SMYD3: variants seen among roughly 807,000 people sequenced by gnomAD.
SMYD3 encodes the protein histone-lysine N-methyltransferase SMYD3.
Under a neutral mutation model 57.7 loss-of-function variants are expected in SMYD3, and 36 were observed. The observed-to-expected ratio is 0.62, with a 90% CI of 0.48 to 0.82. SMYD3 has a LOEUF of 0.82. Ranked by LOEUF, SMYD3 falls within the 40% of genes least tolerant of loss-of-function variation. The pLI, the probability that SMYD3 is intolerant of heterozygous loss-of-function variation, is 0.00. For missense variants in SMYD3, 515 were observed against 538.8 expected, an observed-to-expected ratio of 0.96 and a Z score of 0.44; for synonymous variants, 211 against 195.0, an observed-to-expected ratio of 1.08 and a Z score of -0.68.
intron 5 of SMYD3, among the ~76,000 whole-genome samples, chr1:246,247,487 T>TATATATATACATATATATATA (rs1558347068): frequency 5.0e-5 from 7 of 141,356 alleles, no homozygotes; most frequent in African/African-American, 1.7e-4. Flanking sequence ...ATATATATAT[T>TATATATATACATATATATATA]TTTTAACATG....
chr1:246,190,584 CAAAAAA>C (rs11302731), intron 5 of SMYD3, among the ~76,000 whole-genome samples: 2,435 of 63,082 alleles, frequency 0.039, 95 homozygotes, highest in East Asian at 0.33. Context: ...GACTCTGTCT[CAAAAAA>C]AAAAAAAAAA....
intron 8 of SMYD3, among the ~76,000 whole-genome samples, chr1:245,879,371 T>C (rs1285734514): frequency 2.6e-5 from 4 of 152,192 alleles, no homozygotes. Context: ...TAAATGCACA[T>C]GAGCTGTGCT....
chr1:246,199,603 A>T (rs1232349395), intron 5 of SMYD3, among the ~76,000 whole-genome samples: 1 of 152,216 alleles, frequency 6.6e-6, no homozygotes, highest in Admixed American at 6.5e-5. Context: ...CTTCAGGACA[A>T]CGTTTGACAC....
intron 7 of SMYD3, among the ~76,000 whole-genome samples, chr1:245,920,332 AAAAAAAG>A (rs2055826448): frequency 6.6e-6 from 1 of 151,770 alleles, no homozygotes; most frequent in Non-Finnish European, 1.5e-5. Context: ...AAAAAAAAAA[AAAAAAAG>A]ATGACCAAGT....
At chr1:246,301,127 G>A (rs2064886389) in intron 5 of SMYD3, among the ~76,000 whole-genome samples, 1 of 151,838 alleles carries the variant, frequency 6.6e-6, no homozygotes, top group South Asian at 2.1e-4. Context: ...CTAATGAAGA[G>A]CAAAACCCAA....
At chr1:246,269,246 G>T (rs763425728) in intron 5 of SMYD3, among the ~76,000 whole-genome samples, 27 of 152,026 alleles carry the variant, frequency 1.8e-4, no homozygotes, top group African/African-American at 5.3e-4. Context: ...TTAGTAGATC[G>T]ACTAACAACA....
At chr1:246,468,293 T>C (rs2067909136) in intron 1 of SMYD3, among the ~76,000 whole-genome samples, 1 of 151,972 alleles carries the variant, frequency 6.6e-6, no homozygotes, top group South Asian at 2.1e-4. Flanking sequence ...AAATATATGA[T>C]CATTTCTATA....
chr1:246,225,321 C>CAAAAAAAAAAAAAAAAA lies in SMYD3; in HGVS notation c.531+101863_531+101879dup, dbSNP rs60915002. ...GTTATGTGGAAGACTGCTGAAAAGT[C>CAAAAAAAAAAAAAAAAA]AAAAAAAAAAAAAAAAAAAAAAAAA... is the stretch of plus-strand genomic sequence containing the variant. On this transcript the variant is annotated intron_variant, in intron 5 of 11. Coordinates refer to ENST00000490107, the MANE Select transcript of SMYD3 (RefSeq NM_001167740.2). Among the ~76,000 whole-genome samples, 61 of 76,284 alleles carry CAAAAAAAAAAAAAAAAA rather than the reference C, an allele frequency of 8.0e-4. 13 individuals are homozygous for CAAAAAAAAAAAAAAAAA. The highest frequency in any genetic ancestry group is 1.2e-3 in the South Asian group (4 of 3,246). 50.0% of individuals were successfully genotyped at this position (76,284 alleles called of 152,430 possible).
Position 246,354,664 on chromosome 1 carries a change from A to C in SMYD3, c.228+367T>G, listed in dbSNP as rs1387317254. Among the ~76,000 whole-genome samples, 19 of 150,790 alleles carry C rather than the reference A, an allele frequency of 1.3e-4. No individual in the cohort carries two copies. The East Asian group carries it at 3.3e-3, about 26-fold the overall frequency. ...TTAAACTATATCTTTTTTTTTTTAAACATAGGATGTAGATACACAAATATG... is the reference window on the plus strand; with the variant it reads ...TTAAACTATATCTTTTTTTTTTTAACCATAGGATGTAGATACACAAATATG... On this transcript the variant is annotated intron_variant, in intron 2 of 11. Coordinates refer to ENST00000490107, the MANE Select transcript of SMYD3 (RefSeq NM_001167740.2).
At chr1:245,977,186 T>G (rs191934871) in intron 5 of SMYD3, among the ~76,000 whole-genome samples, 2 of 152,334 alleles carry the variant, frequency 1.3e-5, no homozygotes, top group African/African-American at 4.8e-5. Context: ...CATGAAGGAT[T>G]CAGTCACACC....
intron 10 of SMYD3, chr1:245,814,249 G>T: frequency 2.2e-6 from 1 of 461,108 alleles, no homozygotes; most frequent in Non-Finnish European, 2.8e-6. Context: ...CTCCTGTTTT[G>T]AAGGTAAACA....
chr1:246,203,704 C>T lies in SMYD3; in HGVS notation c.531+123497G>A, dbSNP rs144652128. Among the ~76,000 whole-genome samples the T allele has an allele frequency of 5.3e-5, 8 of 152,288 alleles. No individual in the cohort carries two copies. In the East Asian group the frequency reaches 9.6e-4, roughly 18 times the overall value. On this transcript the variant is annotated intron_variant, in intron 5 of 11. Coordinates refer to ENST00000490107, the MANE Select transcript of SMYD3 (RefSeq NM_001167740.2). The surrounding 1 kb of genome is among the most constrained non-coding windows in gnomAD (Gnocchi z 4.6). Reference sequence around the variant, plus strand: ...CAAATATGGTCACATTCTGAAGTACCGGTGGTTAGAACATCAACATATGAA... The same window carrying T: ...CAAATATGGTCACATTCTGAAGTACTGGTGGTTAGAACATCAACATATGAA...
intron 5 of SMYD3, among the ~76,000 whole-genome samples, chr1:246,146,536 T>C (rs576293717): frequency 3.9e-5 from 6 of 152,294 alleles, no homozygotes; most frequent in African/African-American, 1.4e-4. Context: ...CACAATTGGC[T>C]TTCTCAGAAT....
At chr1:246,277,721 C>T (rs980106273) in intron 5 of SMYD3, among the ~76,000 whole-genome samples, 2 of 152,150 alleles carry the variant, frequency 1.3e-5, no homozygotes, top group Admixed American at 6.5e-5. Flanking sequence ...CTGACACAAA[C>T]GACATGGATG....
At chr1:245,762,320 G>C (rs2045881658) in intron 11 of SMYD3, among the ~76,000 whole-genome samples, 1 of 152,182 alleles carries the variant, frequency 6.6e-6, no homozygotes, top group South Asian at 2.1e-4. Flanking sequence ...AGTATTCATA[G>C]TTTCTAGTCC....
intron 5 of SMYD3, among the ~76,000 whole-genome samples, chr1:245,985,744 T>A (rs1050490830): frequency 1.3e-5 from 2 of 152,222 alleles, no homozygotes; most frequent in African/African-American, 2.4e-5. Context: ...GAATGTGGCA[T>A]GCTCTCTTAC....
chr1:246,241,141 G>A (rs1314899285), intron 5 of SMYD3, among the ~76,000 whole-genome samples: 1 of 152,098 alleles, frequency 6.6e-6, no homozygotes, highest in Non-Finnish European at 1.5e-5. Context: ...GAACAGGAGT[G>A]GTGAGAGAGG....
At chr1:246,002,070 C>T (rs1357926384) in intron 5 of SMYD3, among the ~76,000 whole-genome samples, 1 of 152,118 alleles carries the variant, frequency 6.6e-6, no homozygotes. Flanking sequence ...AGAACCAAAC[C>T]CATCATTTTT....
chr1:246,475,814 C>G (rs956372005), intron 1 of SMYD3, among the ~76,000 whole-genome samples: 3 of 152,126 alleles, frequency 2.0e-5, no homozygotes, highest in African/African-American at 7.2e-5. Context: ...CAGGGTTTCA[C>G]CATTAGCTCA....
Sources: gnomAD v4.1 joint callset for allele counts (sites outside exome capture counted in the v4.1 genomes callset) on GRCh38, gnomAD v4.1.1 for gene constraint, Gnocchi (gnomAD v3.1) non-coding constraint, MANE v1.5 for transcripts, NCBI Gene and HGNC (gene_info 2026-07-23, HGNC 2026-07-21) for gene names.